Variants in IFT57 observed in about 807,000 individuals in gnomAD.
The protein encoded by IFT57 is intraflagellar transport 57, also known as intraflagellar transport protein 57 homolog.
Under a neutral mutation model 56.8 loss-of-function variants are expected in IFT57, and 59 were observed. The ratio of observed to expected loss-of-function variants is 1.04; its 90% CI spans 0.84 to 1.29. The LOEUF is 1.29. Ranked by LOEUF, IFT57 falls within the 50% of genes most tolerant of loss-of-function variation. The pLI, the probability that IFT57 is intolerant of heterozygous loss-of-function variation, is 0.00. For synonymous variants in IFT57, 209 were observed against 186.1 expected (o/e 1.12, Z -1.00); for missense variants, 470 against 522.1 (o/e 0.90, Z 0.97).
chr3:108,219,242 C>A, intron 2 of IFT57, among the ~76,000 whole-genome samples, 168 bp downstream of exon 2: 1 of 151,898 alleles, frequency 6.6e-6, no homozygotes, highest in Non-Finnish European at 1.5e-5. Flanking sequence ...TGAACATTTT[C>A]AGAAGTGACA....
intron 3 of IFT57, among the ~76,000 whole-genome samples, chr3:108,217,882 G>T (rs1198263008): frequency 6.6e-6 from 1 of 151,640 alleles, no homozygotes; most frequent in Non-Finnish European, 1.5e-5. Flanking sequence ...TCATCTATAT[G>T]CTCAATATCT....
intron 6 of IFT57, among the ~76,000 whole-genome samples, chr3:108,171,964 CAT>C (rs1491382616): frequency 2.6e-5 from 4 of 151,658 alleles, no homozygotes; most frequent in Non-Finnish European, 5.9e-5. Context: ...TACATACATA[CAT>C]ATACAAATAT....
chr3:108,192,898 G>A (rs1325839323), intron 5 of IFT57, among the ~76,000 whole-genome samples: 1 of 120,926 alleles, frequency 8.3e-6, no homozygotes, highest in Non-Finnish European at 1.9e-5. Context: ...CAGATGAATT[G>A]ACAAAATGTC....
intron 4 of IFT57, among the ~76,000 whole-genome samples, chr3:108,211,322 A>G (rs1576049446): frequency 6.6e-6 from 1 of 152,382 alleles, no homozygotes; most frequent in East Asian, 1.9e-4. Context: ...AATAAGGTGA[A>G]CAACTAGGAA....
chr3:108,205,334 A>T (rs1478788287), intron 5 of IFT57, among the ~76,000 whole-genome samples: 1 of 151,954 alleles, frequency 6.6e-6, no homozygotes, highest in Non-Finnish European at 1.5e-5. Context: ...AAGATGAGGC[A>T]CAAGAAGTTT....
intron 7 of IFT57, chr3:108,167,290 A>G: frequency 4.1e-6 from 1 of 245,522 alleles, no homozygotes; most frequent in Admixed American, 5.6e-5. Context: ...TAAGGGAATA[A>G]CGTGAGTTTC....
At chr3:108,213,278 A>G (rs1402098652) in intron 4 of IFT57, among the ~76,000 whole-genome samples, 1 of 151,990 alleles carries the variant, frequency 6.6e-6, no homozygotes, top group African/African-American at 2.4e-5. Context: ...CTCAAGGGTC[A>G]GCTGTATACT....
chr3:108,196,238 T>C (rs991713859), intron 5 of IFT57, among the ~76,000 whole-genome samples: 1 of 149,292 alleles, frequency 6.7e-6, no homozygotes, highest in African/African-American at 2.5e-5. Context: ...CCAAAGCCAG[T>C]GCTCTCCAAC....
chr3:108,216,275 A>G (rs188797632), intron 3 of IFT57, among the ~76,000 whole-genome samples: 53 of 152,344 alleles, frequency 3.5e-4, no homozygotes, highest in Admixed American at 1.1e-3. Flanking sequence ...TAGCAAAACA[A>G]CAACAAAAAA....
At chr3:108,205,998 G>C (rs1289353670) in intron 5 of IFT57, among the ~76,000 whole-genome samples, 1 of 87,514 alleles carries the variant, frequency 1.1e-5, no homozygotes, top group African/African-American at 4.3e-5. Flanking sequence ...ATATATTTAT[G>C]TTATATATTA....
chr3:108,212,656 T>C (rs2080349027), intron 4 of IFT57, among the ~76,000 whole-genome samples: 1 of 152,196 alleles, frequency 6.6e-6, no homozygotes, highest in South Asian at 2.1e-4. Flanking sequence ...TACAAATGGC[T>C]ATATAATACT....
chr3:108,208,627 C>G (rs1313474833), intron 4 of IFT57, among the ~76,000 whole-genome samples: 1 of 152,188 alleles, frequency 6.6e-6, no homozygotes. Context: ...TAGCAAAATT[C>G]TTGCTTCCTG....
Position 108,173,808 on chromosome 3 carries a change from G to GTGTGTGTGTA in IFT57, c.778-5945_778-5944insTACACACACA, listed in dbSNP as rs771647277. ...TGTGTGTGTGTGTGTGTGTGTGTGT[G>GTGTGTGTGTA]TATATAATATAGTATATTATATACA... is the stretch of plus-strand genomic sequence containing the variant. On this transcript the variant is annotated intron_variant, in intron 6 of 10. Transcript: ENST00000264538. 7.7e-3 allele frequency among the ~76,000 whole-genome samples: 976 copies of GTGTGTGTGTA among 126,992 alleles called. 8 individuals are homozygous for GTGTGTGTGTA. The highest frequency in any genetic ancestry group is 0.023 in the Middle Eastern group (5 of 216). The allele number at this position is 126,992 out of a possible 152,430, so 83.3% of individuals were successfully genotyped here. A position where few individuals can be genotyped will look rare whatever the true frequency, so the allele number is the denominator to read the frequency against.
intron 3 of IFT57, among the ~76,000 whole-genome samples, chr3:108,216,842 C>T (rs531203152): frequency 6.6e-6 from 1 of 152,126 alleles, no homozygotes; most frequent in East Asian, 1.9e-4. Flanking sequence ...GCATGGAGGA[C>T]ACTATGTCAA....
intron 3 of IFT57, among the ~76,000 whole-genome samples, chr3:108,214,863 G>C (rs2080362453): frequency 6.6e-6 from 1 of 151,840 alleles, no homozygotes; most frequent in Non-Finnish European, 1.5e-5. Flanking sequence ...TTATAATCTT[G>C]GCTATTCAAG....
At chr3:108,221,974 G>GTGCC (rs2080408591) in intron 1 of IFT57, 137 bp downstream of exon 1, 1 of 1,462,132 alleles carries the variant, frequency 6.8e-7, no homozygotes, top group South Asian at 1.4e-5. Context: ...TTGGGGTGAA[G>GTGCC]TGCCCTTCCC....
intron 6 of IFT57, among the ~76,000 whole-genome samples, chr3:108,174,723 A>T (rs746268704): frequency 6.6e-6 from 1 of 151,830 alleles, no homozygotes; most frequent in Non-Finnish European, 1.5e-5. Flanking sequence ...TGTCAGAAAC[A>T]TCCATTCATC....
At chr3:108,196,107 C>T (rs998658208) in intron 5 of IFT57, among the ~76,000 whole-genome samples, 5 of 151,878 alleles carry the variant, frequency 3.3e-5, no homozygotes, top group African/African-American at 1.2e-4. Context: ...ACATACACCC[C>T]ATAAATATGC....
intron 5 of IFT57, among the ~76,000 whole-genome samples, chr3:108,197,491 G>C (rs1299868894): frequency 6.6e-6 from 1 of 152,202 alleles, no homozygotes; most frequent in Non-Finnish European, 1.5e-5. Flanking sequence ...ATCGAAGTCA[G>C]TTCAAGAATC....
Sources: allele counts gnomAD v4.1 joint callset (sites outside exome capture counted in the v4.1 genomes callset), GRCh38; gene constraint gnomAD v4.1.1; transcripts MANE v1.5; gene names NCBI Gene and HGNC (gene_info 2026-07-23, HGNC 2026-07-21).